The following PDCL3 variants were observed in gnomAD, a reference collection of about 807,000 sequenced individuals.
PDCL3 encodes the protein phosducin like 3, also known as phosducin-like protein 3.
In PDCL3, 22 loss-of-function variants were observed where a neutral mutation model predicts 26.5. That is an observed-to-expected ratio of 0.83 (90% CI 0.59 to 1.19). The LOEUF (loss-of-function observed/expected upper bound fraction) is 1.19, where lower values mean the gene tolerates loss of function less well. Ranked by LOEUF, PDCL3 falls within the 50% of genes most tolerant of loss-of-function variation. The probability of loss-of-function intolerance (pLI) is 0.00; values close to 1 mark genes in which losing one functional copy is unlikely to be tolerated. For synonymous variants in PDCL3, 81 were observed against 104.9 expected, an observed-to-expected ratio of 0.77 and a Z score of 1.39; for missense variants, 246 against 294.1, an observed-to-expected ratio of 0.84 and a Z score of 1.20.
At chr2:100,566,734 CTG>C (rs1675069294) in intron 2 of PDCL3, 105 bp downstream of exon 2, 1 of 1,513,750 alleles carries the variant, frequency 6.6e-7, no homozygotes. Context: ...CATGGACACT[CTG>C]TGTCTGTGGG....
At position 100,563,065 on chromosome 2, in the gene PDCL3, A is replaced by T. The variant is rs1230554988; in HGVS notation, c.-3A>T. ...TGGTTTGAGCAACTGAACTGGAAAC[A>T]AGATGCAGGTGAGCTAGGACGGGTC... On this transcript the variant is annotated 5_prime_UTR_variant, in exon 1 of 6. Transcript: ENST00000264254. 1 of 1,604,986 alleles carries T rather than the reference A, an allele frequency of 6.2e-7. No homozygotes were observed. Among genetic ancestry groups the T allele is most frequent in the Non-Finnish European group, 8.5e-7 (1 of 1,176,222 alleles).
intron 1 of PDCL3, 59 bp downstream of exon 1, chr2:100,563,132 C>G: frequency 6.4e-7 from 1 of 1,557,380 alleles, no homozygotes; most frequent in East Asian, 2.4e-5. Flanking sequence ...TCTCGTTAGG[C>G]CCGGGCGGGC....
Position 100,571,791 on chromosome 2 carries a change from A to C in PDCL3, c.570A>C (p.Thr190=). 4.3e-6 allele frequency: 7 copies of C among 1,614,052 alleles called. No homozygotes were observed. Among genetic ancestry groups the C allele is most frequent in the Non-Finnish European group, 5.9e-6 (7 of 1,179,990 alleles). The change falls in exon 5 of 6, where the codon ACA becomes ACC. Residue 190 remains threonine, a synonymous_variant. Transcript: ENST00000264254. ...GPLVFGGMNL[T]RDELEWKLSE... ...TGGTGTTTGGCGGCATGAACCTGAC[A>C]AGAGATGGTAAGGGCTCTGGGAGAC...
intron 1 of PDCL3, among the ~76,000 whole-genome samples, chr2:100,564,827 C>T (rs1174641196): frequency 1.3e-5 from 2 of 152,210 alleles, no homozygotes; most frequent in East Asian, 3.9e-4. Context: ...GATTTTGATG[C>T]TGGCTGATTT....
chr2:100,568,667 C>T (rs566778971), intron 2 of PDCL3, among the ~76,000 whole-genome samples: 9 of 151,812 alleles, frequency 5.9e-5, no homozygotes, highest in Admixed American at 2.6e-4. Flanking sequence ...CAGGGTGAGG[C>T]GGAATAGGAG....
intron 1 of PDCL3, chr2:100,563,275 C>G (rs1045868874): frequency 2.4e-5 from 13 of 540,708 alleles, no homozygotes; most frequent in Non-Finnish European, 3.5e-5. Flanking sequence ...GCGTCCCCGC[C>G]TCGGTGTGCC....
intron 1 of PDCL3, 173 bp downstream of exon 1, chr2:100,563,246 AC>A: frequency 2.9e-6 from 2 of 689,078 alleles, no homozygotes; most frequent in Non-Finnish European, 4.5e-6. Context: ...GCGTGGTCCC[AC>A]CAGGACCCAC....
chr2:100,569,831 G>A (rs899570963), intron 4 of PDCL3, 110 bp downstream of exon 4: 53 of 1,280,448 alleles, frequency 4.1e-5, no homozygotes, highest in Non-Finnish European at 5.6e-5. Context: ...TCTGGGCCAG[G>A]CGCAGTAGCT....
intron 1 of PDCL3, among the ~76,000 whole-genome samples, chr2:100,564,261 A>G (rs770093007): frequency 1.3e-5 from 2 of 150,080 alleles, no homozygotes; most frequent in Non-Finnish European, 3.0e-5. Context: ...TTCCCTGACC[A>G]CCCTGTAGAA....
At chr2:100,572,750 C>A (rs1366070470) in intron 5 of PDCL3, among the ~76,000 whole-genome samples, 1 of 151,526 alleles carries the variant, frequency 6.6e-6, no homozygotes, top group African/African-American at 2.4e-5. Flanking sequence ...AACTCCTGAC[C>A]TCAGGTGATC....
chr2:100,569,458 T>A, intron 3 of PDCL3, 120 bp from the exon 4 acceptor site: 1 of 1,210,224 alleles, frequency 8.3e-7, no homozygotes, highest in Non-Finnish European at 1.1e-6. Context: ...AGCAAACTGA[T>A]CTTAGATTTT....
intron 1 of PDCL3, among the ~76,000 whole-genome samples, chr2:100,566,044 C>T (rs1255580475): frequency 6.6e-6 from 1 of 152,142 alleles, no homozygotes; most frequent in Middle Eastern, 3.2e-3. Context: ...GCTGGGACTA[C>T]AGGTGCCCGC....
chr2:100,573,042 G>A (rs979053582), intron 5 of PDCL3, among the ~76,000 whole-genome samples: 2 of 150,884 alleles, frequency 1.3e-5, no homozygotes, highest in Non-Finnish European at 2.9e-5. Context: ...CCACCACCAC[G>A]CTTGGCTAAT....
At position 100,563,015 on chromosome 2, in the gene PDCL3, A is replaced by C; in HGVS notation, c.-53A>C. On this transcript the variant is annotated 5_prime_UTR_variant, in exon 1 of 6. Transcript: ENST00000264254. ...TGTGCGCGTGCACAAAAGAGAGCTG[A>C]GGGGCGGGGGCGCTGCGGCACAGCT... 6.3e-7 allele frequency: 1 copy of C among 1,581,532 alleles called. No homozygotes were observed. Among genetic ancestry groups the C allele is most frequent in the Non-Finnish European group, 8.6e-7 (1 of 1,164,554 alleles).
intron 1 of PDCL3, 143 bp downstream of exon 1, chr2:100,563,216 A>AGGCGCAGTGCG: frequency 9.6e-7 from 1 of 1,046,540 alleles, no homozygotes; most frequent in Admixed American, 3.5e-5. Flanking sequence ...GGCCCTGCGC[A>AGGCGCAGTGCG]GGCGCAGTGC....
intron 4 of PDCL3, among the ~76,000 whole-genome samples, 154 bp from the exon 5 acceptor site, chr2:100,571,436 T>G (rs1422545667): frequency 6.6e-6 from 1 of 152,108 alleles, no homozygotes; most frequent in Non-Finnish European, 1.5e-5. Context: ...AACAAGACCC[T>G]ATGTCAAAAA....
intron 5 of PDCL3, among the ~76,000 whole-genome samples, chr2:100,573,990 T>G (rs76782568): frequency 0.033 from 4,951 of 152,042 alleles, 244 homozygotes; most frequent in African/African-American, 0.1. Flanking sequence ...GATATATATA[T>G]AGAGAGAGAT....
chr2:100,574,214 C>T (rs907155848), intron 5 of PDCL3, among the ~76,000 whole-genome samples: 2 of 152,074 alleles, frequency 1.3e-5, no homozygotes, highest in Non-Finnish European at 2.9e-5. Context: ...GTTGCCTAGG[C>T]TGGTTGTGAA....
At chr2:100,570,582 G>A (rs538720194) in intron 4 of PDCL3, among the ~76,000 whole-genome samples, 2 of 150,690 alleles carry the variant, frequency 1.3e-5, no homozygotes, top group African/African-American at 2.4e-5. Flanking sequence ...AGGTTCAAGC[G>A]ATTCTCCTGC....
Sources: allele counts gnomAD v4.1 joint callset (sites outside exome capture counted in the v4.1 genomes callset), GRCh38; gene constraint gnomAD v4.1.1; transcripts MANE v1.5; gene names NCBI Gene and HGNC (gene_info 2026-07-23, HGNC 2026-07-21).